RGR: variants seen among roughly 807,000 people sequenced by gnomAD.
RGR encodes the protein retinal G protein coupled receptor.
In RGR, 30 loss-of-function variants were observed where a neutral mutation model predicts 28.6. The ratio of observed to expected loss-of-function variants is 1.05; its 90% confidence interval spans 0.78 to 1.42. RGR has a LOEUF of 1.42. Among genes scored for constraint, RGR ranks in the 40% most tolerant of loss-of-function variants. The pLI is 0.00. For synonymous variants in RGR, 180 were observed against 156.4 expected, an observed-to-expected ratio of 1.15 and a Z score of -1.13; for missense variants, 404 against 375.6, an observed-to-expected ratio of 1.08 and a Z score of -0.62.
intron 1 of RGR, among the ~76,000 whole-genome samples, chr10:84,247,368 T>A (rs1564548031): frequency 6.6e-6 from 1 of 152,192 alleles, no homozygotes; most frequent in African/African-American, 2.4e-5. Flanking sequence ...AAAGATTGAA[T>A]GAGATGACTC....
Position 84,257,975 on chromosome 10 carries a change from A to G in RGR, c.713A>G (p.Asp238Gly). 6.2e-7 allele frequency: 1 copy of G among 1,614,200 alleles called. No individual in the cohort carries two copies. The highest frequency in any genetic ancestry group is 1.3e-5 in the African/African-American group (1 of 75,054). Residue 238 changes from aspartate (D) to glycine (G), a missense_variant, in exon 6 of 7, where the codon GAC becomes GGC. Transcript: ENST00000652092. ...AILYLYAVIADVTSISPKLQM... is the reference protein window; with the variant it reads ...AILYLYAVIAGVTSISPKLQM... ...CTGTATCTATACGCAGTCATCGCAG[A>G]CGTGACTTCCATCTCCCCCAAACTG...
intron 1 of RGR, 108 bp downstream of exon 1, chr10:84,245,277 G>A (rs776776977): frequency 2.8e-6 from 3 of 1,088,416 alleles, no homozygotes; most frequent in Non-Finnish European, 4.0e-6. Context: ...ACCCAGCTGG[G>A]TGTCCGGTCC....
chr10:84,252,452 G>A (rs1347001672), intron 3 of RGR, among the ~76,000 whole-genome samples: 2 of 152,168 alleles, frequency 1.3e-5, no homozygotes, highest in Non-Finnish European at 2.9e-5. Context: ...GGTATAGTGT[G>A]TCTATTTGGA....
At chr10:84,245,240 G>A (rs1842733724) in intron 1 of RGR, 71 bp downstream of exon 1, 3 of 1,515,040 alleles carry the variant, frequency 2.0e-6, no homozygotes, top group South Asian at 2.3e-5. Flanking sequence ...CCAGTGTGGA[G>A]CTGGCAAGGA....
chr10:84,247,540 C>A (rs1171862268), intron 1 of RGR, 51 bp from the exon 2 acceptor site: 1 of 1,610,146 alleles, frequency 6.2e-7, no homozygotes, highest in South Asian at 1.1e-5. Context: ...ACTGTTCTGA[C>A]CCCAGCTGGG....
At chr10:84,245,371 G>A (rs1413865747) in intron 1 of RGR, among the ~76,000 whole-genome samples, 1 of 152,198 alleles carries the variant, frequency 6.6e-6, no homozygotes, top group Non-Finnish European at 1.5e-5. Flanking sequence ...TGCCCGCTGG[G>A]AGCAGAGAGG....
At position 84,245,090 on chromosome 10, in the gene RGR, G is replaced by A; in HGVS notation, c.-1G>A. ...GCCACTGGCAGTGAGGGAGAGTGAGGATGGCAGAGACCAGTGCCCTGCCCA... is the reference window on the plus strand; with the variant it reads ...GCCACTGGCAGTGAGGGAGAGTGAGAATGGCAGAGACCAGTGCCCTGCCCA... On this transcript the variant is annotated 5_prime_UTR_variant, in exon 1 of 7. Coordinates refer to ENST00000652092, the MANE Select transcript of RGR (RefSeq NM_001012720.2). The A allele has an allele frequency of 1.2e-6, 2 of 1,613,582 alleles. No individual in the cohort carries two copies. Among genetic ancestry groups the A allele is most frequent in the Non-Finnish European group, 1.7e-6 (2 of 1,179,862 alleles).
chr10:84,246,941 T>C (rs1484329416), intron 1 of RGR, among the ~76,000 whole-genome samples: 3 of 152,236 alleles, frequency 2.0e-5, no homozygotes, highest in Non-Finnish European at 4.4e-5. Context: ...TATTCCCTCC[T>C]GGAATGCTCT....
intron 5 of RGR, 118 bp downstream of exon 5, chr10:84,254,561 T>C: frequency 1.1e-6 from 1 of 908,914 alleles, no homozygotes; most frequent in Non-Finnish European, 1.8e-6. Flanking sequence ...TTCATTGCTT[T>C]TGCAGCAAAA....
Position 84,250,582 on chromosome 10 carries a change from T to C in RGR, c.358+1539T>C, listed in dbSNP as rs61631776. 5.0e-3 allele frequency: 3,312 copies of C among 664,194 alleles called. 98 individuals are homozygous for C. In the African/African-American group the frequency reaches 0.051, roughly 10 times the overall value. The allele number at this position is 664,194 out of a possible 1,614,324, so 41.1% of individuals were successfully genotyped here. A position where few individuals can be genotyped will look rare whatever the true frequency, so the allele number is the denominator to read the frequency against. Reference sequence around the variant, plus strand: ...ACCTTCTCAGATAGCAACAGGCTTCTCTGCCTCAATATAGAACAGTTAATC... The same window carrying C: ...ACCTTCTCAGATAGCAACAGGCTTCCCTGCCTCAATATAGAACAGTTAATC... On this transcript the variant is annotated intron_variant, in intron 3 of 6. Transcript: ENST00000652092.
intron 4 of RGR, 47 bp from the exon 5 acceptor site, chr10:84,254,279 G>T (rs754609382): frequency 6.5e-7 from 1 of 1,530,224 alleles, no homozygotes; most frequent in South Asian, 1.1e-5. Context: ...AGGGCAGCTG[G>T]CCATCCCTGA....
At chr10:84,257,113 T>G (rs1842898143) in intron 5 of RGR, among the ~76,000 whole-genome samples, 1 of 152,158 alleles carries the variant, frequency 6.6e-6, no homozygotes, top group South Asian at 2.1e-4. Context: ...TTAAAGAAAG[T>G]CAGGTCAGGG....
At chr10:84,250,708 A>G in intron 3 of RGR, 1 of 407,254 alleles carries the variant, frequency 2.5e-6, no homozygotes, top group Non-Finnish European at 4.5e-6. Flanking sequence ...GAATTCATCT[A>G]CTCCATCCCT....
intron 2 of RGR, chr10:84,248,179 T>C: frequency 8.2e-7 from 1 of 1,225,964 alleles, no homozygotes; most frequent in Non-Finnish European, 1.1e-6. Flanking sequence ...TGAACACAAA[T>C]GGGGGCGTTA....
intron 2 of RGR, chr10:84,248,428 C>T (rs1011865003): frequency 1.3e-5 from 3 of 231,528 alleles, no homozygotes; most frequent in Admixed American, 5.2e-5. Context: ...GGAGCCCCCC[C>T]GGATGTGCAT....
chr10:84,249,309 C>T (rs777316414), intron 3 of RGR, among the ~76,000 whole-genome samples: 1 of 152,142 alleles, frequency 6.6e-6, no homozygotes, highest in Non-Finnish European at 1.5e-5. Context: ...TCCTCCTCTG[C>T]GAAATGATTT....
Position 84,254,323 on chromosome 10 carries a change from T to C in RGR, c.513-3T>C, listed in dbSNP as rs1842855198. The stretch of plus-strand genomic sequence containing the variant: ...CCCAATCCTCCACCCGCTCTCCCTG[T>C]AGAAACTTCACCAGCTTCCTCTTCA... On this transcript the variant is annotated splice_polypyrimidine_tract_variant and splice_region_variant and intron_variant, in intron 4 of 6. Coordinates refer to ENST00000652092, the MANE Select transcript of RGR (RefSeq NM_001012720.2). 1 of 1,613,940 alleles carries C rather than the reference T, an allele frequency of 6.2e-7. No homozygotes were observed. The highest frequency in any genetic ancestry group is 8.5e-7 in the Non-Finnish European group (1 of 1,179,806).
At chr10:84,251,536 C>T (rs1010370401) in intron 3 of RGR, among the ~76,000 whole-genome samples, 5 of 152,170 alleles carry the variant, frequency 3.3e-5, no homozygotes, top group Non-Finnish European at 5.9e-5. Flanking sequence ...GAGATTGTCA[C>T]TCTTGTGTTC....
intron 5 of RGR, 81 bp downstream of exon 5, chr10:84,254,524 T>A: frequency 8.7e-7 from 1 of 1,150,312 alleles, no homozygotes; most frequent in South Asian, 1.2e-5. Flanking sequence ...GAATTGGATG[T>A]GACACACACA....
Sources: allele counts gnomAD v4.1 joint callset (sites outside exome capture counted in the v4.1 genomes callset), GRCh38; gene constraint gnomAD v4.1.1; transcripts MANE v1.5; gene names NCBI Gene and HGNC (gene_info 2026-07-23, HGNC 2026-07-21).